The following HIVEP3 variants were observed in gnomAD, a reference collection of about 807,000 sequenced individuals.
HIVEP3 encodes transcription factor HIVEP3.
Under a neutral mutation model 152.8 loss-of-function variants are expected in HIVEP3, and 49 were observed. The ratio of observed to expected loss-of-function variants is 0.32; its 90% CI spans 0.26 to 0.41. The LOEUF (loss-of-function observed/expected upper bound fraction) is 0.41. HIVEP3 is among the 10% of genes least tolerant of loss of function. The pLI, the probability that HIVEP3 is intolerant of heterozygous loss-of-function variation, is 1.00. For synonymous variants in HIVEP3, 1,269 were observed against 1,289.0 expected (o/e 0.98, Z 0.33); for missense variants, 2,790 against 3,103.3 (o/e 0.90, Z 2.40).
intron 1 of HIVEP3, among the ~76,000 whole-genome samples, chr1:41,705,159 A>G (rs1178669473): frequency 1.3e-5 from 2 of 152,258 alleles, no homozygotes; most frequent in Non-Finnish European, 2.9e-5. Flanking sequence ...AAGAGGCAAG[A>G]GAACGTGTCC....
chr1:41,908,727 G>A (rs1353293634), intron 1 of HIVEP3, among the ~76,000 whole-genome samples: 1 of 152,194 alleles, frequency 6.6e-6, no homozygotes, highest in East Asian at 1.9e-4. Flanking sequence ...TGACTGATGA[G>A]CTGGCAAGTT....
rs576506810 is a variant in HIVEP3, at chr1:41,833,308, G to A, written c.-801+85105C>T. Reference sequence around the variant, plus strand: ...TAATTTATAGCTCCAGCATTGGTAGGAAACTTAGGGGTCATGGAGTGCAGC... The same window carrying A: ...TAATTTATAGCTCCAGCATTGGTAGAAAACTTAGGGGTCATGGAGTGCAGC... On this transcript the variant is annotated intron_variant, in intron 1 of 8. Transcript: ENST00000372583. Among the ~76,000 whole-genome samples the A allele has an allele frequency of 2.0e-5, 3 of 152,310 alleles. No homozygotes were observed. In the South Asian group the frequency reaches 6.2e-4, roughly 32 times the overall value.
chr1:41,912,012 A>T lies in HIVEP3; in HGVS notation c.-801+6401T>A, dbSNP rs568574084. Among the ~76,000 whole-genome samples the T allele has an allele frequency of 6.4e-4, 97 of 152,344 alleles. 1 individual carries two copies. Among genetic ancestry groups the T allele is most frequent in the African/African-American group, 2.3e-3 (97 of 41,588 alleles). ...GTGTGGTGTGCATGGACTAAACGTGAGCATTAAGAACAAAAGAATAAAACA... is the reference window on the plus strand; with the variant it reads ...GTGTGGTGTGCATGGACTAAACGTGTGCATTAAGAACAAAAGAATAAAACA... On this transcript the variant is annotated intron_variant, in intron 1 of 8. Coordinates refer to ENST00000372583, the MANE Select transcript of HIVEP3 (RefSeq NM_024503.5).
intron 1 of HIVEP3, among the ~76,000 whole-genome samples, chr1:41,968,136 C>A (rs1304321645): frequency 6.6e-6 from 1 of 152,020 alleles, no homozygotes; most frequent in East Asian, 1.9e-4. Context: ...GGAGATGGTA[C>A]CATTTCTTCT....
chr1:41,733,540 T>C (rs1558221496), intron 1 of HIVEP3, among the ~76,000 whole-genome samples: 1 of 152,198 alleles, frequency 6.6e-6, no homozygotes, highest in Non-Finnish European at 1.5e-5. Context: ...ACCTGAGAGT[T>C]GGTGGTGGAG....
At chr1:41,687,267 C>T (rs1292640815) in intron 2 of HIVEP3, among the ~76,000 whole-genome samples, 1 of 152,224 alleles carries the variant, frequency 6.6e-6, no homozygotes, top group Admixed American at 6.5e-5. Flanking sequence ...TTCTGAATTT[C>T]ACTCAGAGAC....
At chr1:41,529,921 C>A (rs532360329) in intron 5 of HIVEP3, among the ~76,000 whole-genome samples, 1 of 135,194 alleles carries the variant, frequency 7.4e-6, no homozygotes, top group African/African-American at 2.8e-5. Flanking sequence ...ACCAACACCC[C>A]CCACCACACG....
At chr1:41,749,352 G>T (rs1467589335) in intron 1 of HIVEP3, among the ~76,000 whole-genome samples, 6 of 151,196 alleles carry the variant, frequency 4.0e-5, no homozygotes. Context: ...TGACCTGAGG[G>T]TTTCTTCCAG....
At position 41,878,695 on chromosome 1, in the gene HIVEP3, T is replaced by A. The variant is rs1450701970; in HGVS notation, c.-801+39718A>T. 2.6e-5 allele frequency among the ~76,000 whole-genome samples: 3 copies of A among 115,456 alleles called. No individual in the cohort carries two copies. In the South Asian group the frequency reaches 9.4e-4, roughly 36 times the overall value. 75.7% of individuals were successfully genotyped at this position (115,456 alleles called of 152,430 possible). A position where few individuals can be genotyped will look rare whatever the true frequency, so the allele number is the denominator to read the frequency against. On this transcript the variant is annotated intron_variant, in intron 1 of 8. Transcript: ENST00000372583. ...TCTCCCTCCCTTCCCTCCTCCCTCC[T>A]CCTCCCTCTCTTTCTAACTCCCTCC...
intron 1 of HIVEP3, among the ~76,000 whole-genome samples, chr1:41,823,636 G>T (rs1198237896): frequency 6.6e-6 from 1 of 152,188 alleles, no homozygotes; most frequent in Non-Finnish European, 1.5e-5. Flanking sequence ...AGGCATAAGC[G>T]ATCCCAGAGT....
At chr1:41,948,871 C>G (rs1479490746) in intron 1 of HIVEP3, among the ~76,000 whole-genome samples, 1 of 152,028 alleles carries the variant, frequency 6.6e-6, no homozygotes, top group East Asian at 1.9e-4. Context: ...GTAAAGTGTG[C>G]CAAAAAACCC....
intron 1 of HIVEP3, among the ~76,000 whole-genome samples, chr1:41,937,378 G>C (rs1645024924): frequency 6.6e-6 from 1 of 152,168 alleles, no homozygotes; most frequent in African/African-American, 2.4e-5. Flanking sequence ...GAGCCAGTGA[G>C]ACACAAAGAA....
At chr1:41,708,395 T>C (rs1255456026) in intron 1 of HIVEP3, among the ~76,000 whole-genome samples, 1 of 152,144 alleles carries the variant, frequency 6.6e-6, no homozygotes, top group Non-Finnish European at 1.5e-5. Context: ...AAATCAGCTC[T>C]CCTGGTCTTG....
At chr1:41,888,985 C>T (rs888900011) in intron 1 of HIVEP3, among the ~76,000 whole-genome samples, 4 of 140,048 alleles carry the variant, frequency 2.9e-5, no homozygotes, top group African/African-American at 1.2e-4. Context: ...ACCACACATG[C>T]CACACACACA....
intron 1 of HIVEP3, among the ~76,000 whole-genome samples, chr1:41,727,988 C>T (rs533203688): frequency 6.6e-6 from 1 of 152,172 alleles, no homozygotes; most frequent in African/African-American, 2.4e-5. Context: ...GCAGGGTGCA[C>T]CTTCAGGATA....
intron 2 of HIVEP3, among the ~76,000 whole-genome samples, chr1:41,691,065 T>C (rs1047659063): frequency 2.6e-5 from 4 of 152,240 alleles, no homozygotes; most frequent in Admixed American, 2.6e-4. Context: ...GGGATAATAC[T>C]AGAGTCTATC....
intron 1 of HIVEP3, among the ~76,000 whole-genome samples, chr1:41,960,564 C>T (rs933424472): frequency 5.9e-5 from 9 of 152,216 alleles, no homozygotes; most frequent in Non-Finnish European, 1.3e-4. Flanking sequence ...CGAAGGATTA[C>T]ACTGAAGCCA....
chr1:41,966,166 G>A (rs1645196432), intron 1 of HIVEP3, among the ~76,000 whole-genome samples: 1 of 152,134 alleles, frequency 6.6e-6, no homozygotes. Context: ...ATCTTTTTCA[G>A]ACAAGCAAAT....
chr1:41,859,616 A>AT (rs1643862836), intron 1 of HIVEP3, among the ~76,000 whole-genome samples: 1 of 152,148 alleles, frequency 6.6e-6, no homozygotes, highest in African/African-American at 2.4e-5. Context: ...GACATTTGGG[A>AT]TTTTTAAGGC....
Sources: allele counts gnomAD v4.1 joint callset (sites outside exome capture counted in the v4.1 genomes callset), GRCh38; gene constraint gnomAD v4.1.1; transcripts MANE v1.5; gene names NCBI Gene and HGNC (gene_info 2026-07-23, HGNC 2026-07-21).